CBLB: variants seen among roughly 807,000 people sequenced by gnomAD.
CBLB encodes Cbl proto-oncogene B.
A neutral mutation model predicts 104.9 loss-of-function variants in CBLB; 31 were observed. The ratio of observed to expected loss-of-function variants is 0.30; its 90% confidence interval spans 0.22 to 0.40. The LOEUF (loss-of-function observed/expected upper bound fraction) is 0.40. Among genes scored for constraint, CBLB ranks in the 10% least tolerant of loss-of-function variants. The pLI is 1.00. For missense variants in CBLB, 1,062 were observed against 1,214.6 expected (o/e 0.87, Z 1.87); for synonymous variants, 440 against 422.6 (o/e 1.04, Z -0.51).
intron 9 of CBLB, among the ~76,000 whole-genome samples, chr3:105,722,571 C>CAGTGCAATTATT (rs1559960892): frequency 1.8e-3 from 17 of 9,286 alleles, no homozygotes; most frequent in African/African-American, 3.5e-3. Flanking sequence ...AAGACCTAAT[C>CAGTGCAATTATT]GTAACTAAAA....
intron 3 of CBLB, among the ~76,000 whole-genome samples, chr3:105,825,996 G>A (rs1237801083): frequency 6.6e-6 from 1 of 151,952 alleles, no homozygotes; most frequent in Non-Finnish European, 1.5e-5. Context: ...TTAAATTCTT[G>A]AAAAGATAGC....
At chr3:105,725,824 A>G (rs1383586968) in intron 9 of CBLB, among the ~76,000 whole-genome samples, 1 of 152,068 alleles carries the variant, frequency 6.6e-6, no homozygotes, top group South Asian at 2.1e-4. Flanking sequence ...GAAGGAAGAT[A>G]GAGTAAAACA....
chr3:105,780,660 G>GTTTTTTTTTTTTTTT lies in CBLB; in HGVS notation c.420-4133_420-4119dup, dbSNP rs58640968. Reference sequence around the variant, plus strand: ...TTTTACAATAAAAGTTTTGTTTTTTGTTTTTTTTTTTTTTTTTTTTGAGAT... The same window carrying GTTTTTTTTTTTTTTT: ...TTTTACAATAAAAGTTTTGTTTTTTGTTTTTTTTTTTTTTTTTTTTTTTTTTTTTTTTTTTGAGAT... On this transcript the variant is annotated intron_variant, in intron 3 of 18. Coordinates refer to ENST00000394030, the MANE Select transcript of CBLB (RefSeq NM_170662.5). Among the ~76,000 whole-genome samples the GTTTTTTTTTTTTTTT allele has an allele frequency of 2.6e-3, 243 of 94,012 alleles. 10 individuals are homozygous for GTTTTTTTTTTTTTTT. Among genetic ancestry groups the GTTTTTTTTTTTTTTT allele is most frequent in the Non-Finnish European group, 3.0e-3 (159 of 52,674 alleles). The allele number at this position is 94,012 out of a possible 152,430, so 61.7% of individuals were successfully genotyped here. A position where few individuals can be genotyped will look rare whatever the true frequency, so the allele number is the denominator to read the frequency against.
At chr3:105,659,758 T>G (rs1209146707) in intron 18 of CBLB, among the ~76,000 whole-genome samples, 1 of 152,136 alleles carries the variant, frequency 6.6e-6, no homozygotes, top group Non-Finnish European at 1.5e-5. Flanking sequence ...ACAGATGCTC[T>G]GTAGCATTTT....
At chr3:105,740,050 C>A (rs1158796889) in intron 7 of CBLB, among the ~76,000 whole-genome samples, 1 of 152,066 alleles carries the variant, frequency 6.6e-6, no homozygotes, top group Non-Finnish European at 1.5e-5. Flanking sequence ...TTGCAGTGAG[C>A]AGAGATTGTG....
chr3:105,711,990 C>T (rs2152808024), intron 10 of CBLB, among the ~76,000 whole-genome samples: 1 of 152,206 alleles, frequency 6.6e-6, no homozygotes, highest in Admixed American at 6.6e-5. Flanking sequence ...GAGAAGTGGT[C>T]AATAAAGTTG....
At chr3:105,714,496 T>C (rs2071554793) in intron 10 of CBLB, among the ~76,000 whole-genome samples, 1 of 152,160 alleles carries the variant, frequency 6.6e-6, no homozygotes, top group African/African-American at 2.4e-5. Flanking sequence ...TCATCAGGCA[T>C]TAGATTCTCC....
At chr3:105,789,949 T>G (rs2081453717) in intron 3 of CBLB, among the ~76,000 whole-genome samples, 1 of 152,160 alleles carries the variant, frequency 6.6e-6, no homozygotes, top group South Asian at 2.1e-4. Flanking sequence ...TACAATACTT[T>G]TAAGAAGATA....
chr3:105,756,966 G>T (rs1186835031), intron 4 of CBLB, among the ~76,000 whole-genome samples: 1 of 152,122 alleles, frequency 6.6e-6, no homozygotes, highest in Non-Finnish European at 1.5e-5. Context: ...AGATCTGGTT[G>T]TTTAAGTGCA....
chr3:105,779,681 G>GA (rs138284135), intron 3 of CBLB, among the ~76,000 whole-genome samples: 12,423 of 144,838 alleles, frequency 0.086, 585 homozygotes, highest in Admixed American at 0.13. Flanking sequence ...AGCTTAAAAG[G>GA]AAAAAAAAAA....
rs550471482 is a variant in CBLB at position 105,800,945 on chromosome 3, G to A, written c.420-24403C>T. 3.3e-5 allele frequency among the ~76,000 whole-genome samples: 5 copies of A among 152,122 alleles called. No individual in the cohort carries two copies. The South Asian group carries it at 1.0e-3, about 32-fold the overall frequency. On this transcript the variant is annotated intron_variant, in intron 3 of 18. Transcript: ENST00000394030. ...TTGTCAAAAAGAACTGATCCATTTG[G>A]CTTATATGTCATGTGAAAGTAAGAG... is the stretch of plus-strand genomic sequence containing the variant.
chr3:105,726,821 TGTTA>T (rs1477509066), intron 9 of CBLB, among the ~76,000 whole-genome samples: 9 of 152,184 alleles, frequency 5.9e-5, no homozygotes, highest in African/African-American at 2.2e-4. Flanking sequence ...TCTGTTCTTG[TGTTA>T]GTTTGCTGAG....
intron 10 of CBLB, among the ~76,000 whole-genome samples, chr3:105,706,515 A>T (rs562587889): frequency 6.6e-6 from 1 of 152,188 alleles, no homozygotes; most frequent in South Asian, 2.1e-4. Context: ...ATAAATTTGA[A>T]CCTTCTGGAG....
intron 4 of CBLB, among the ~76,000 whole-genome samples, chr3:105,761,308 A>T (rs1411763334): frequency 2.6e-5 from 4 of 152,352 alleles, no homozygotes; most frequent in Non-Finnish European, 5.9e-5. Flanking sequence ...CTGGGATTAC[A>T]GGCATGAGCC....
intron 16 of CBLB, chr3:105,681,265 GA>G (rs1244896013): frequency 1.7e-6 from 1 of 595,796 alleles, no homozygotes; most frequent in African/African-American, 1.9e-5. Flanking sequence ...CTTAAAACCT[GA>G]CTGATGCCCA....
intron 3 of CBLB, among the ~76,000 whole-genome samples, chr3:105,804,491 A>AG (rs1242875188): frequency 3.3e-5 from 5 of 151,760 alleles, no homozygotes; most frequent in Admixed American, 3.3e-4. Flanking sequence ...ACTGCACTCC[A>AG]GCCTGGGTGA....
At chr3:105,738,851 C>A (rs1272645337) in intron 7 of CBLB, among the ~76,000 whole-genome samples, 4 of 152,014 alleles carry the variant, frequency 2.6e-5, no homozygotes, top group African/African-American at 9.7e-5. Flanking sequence ...ACATTTGGTA[C>A]CATAACTTGC....
At position 105,659,234 on chromosome 3, in the gene CBLB, G is replaced by T; in HGVS notation, c.2690-5C>A. 6.2e-7 allele frequency: 1 copy of T among 1,613,558 alleles called. No individual in the cohort carries two copies. The highest frequency in any genetic ancestry group is 8.5e-7 in the Non-Finnish European group (1 of 1,179,570). ...TGGCTGGTGCCTGTGAACCATCTGT[G>T]TAGATTTTTAAAGAGAGATACTATT... On this transcript the variant is annotated splice_polypyrimidine_tract_variant and splice_region_variant and intron_variant, in intron 18 of 18. Transcript: ENST00000394030.
chr3:105,721,902 AAG>A (rs2072891628), intron 9 of CBLB, among the ~76,000 whole-genome samples: 1 of 152,194 alleles, frequency 6.6e-6, no homozygotes, highest in Non-Finnish European at 1.5e-5. Flanking sequence ...TAAAAGTCAA[AAG>A]AGATCCATAT....
Sources: allele counts gnomAD v4.1 joint callset (sites outside exome capture counted in the v4.1 genomes callset), GRCh38; gene constraint gnomAD v4.1.1; transcripts MANE v1.5; gene names NCBI Gene and HGNC (gene_info 2026-07-23, HGNC 2026-07-21).